Variants in DLGAP1 observed in about 807,000 individuals in gnomAD.
DLGAP1 encodes disks large-associated protein 1.
In DLGAP1, 11 loss-of-function variants were observed where a neutral mutation model predicts 90.8. The ratio of observed to expected loss-of-function variants is 0.12; its 90% CI spans 0.08 to 0.20. The LOEUF (loss-of-function observed/expected upper bound fraction) is 0.20. Among genes scored for constraint, DLGAP1 ranks in the 10% least tolerant of loss-of-function variants. The pLI is 1.00. For missense variants in DLGAP1, 1,050 were observed against 1,333.8 expected (o/e 0.79, Z 3.31); for synonymous variants, 558 against 540.7 (o/e 1.03, Z -0.44).
intron 1 of DLGAP1, among the ~76,000 whole-genome samples, chr18:4,158,202 GCAAAGCAA>G (rs1312977200): frequency 6.6e-6 from 1 of 152,114 alleles, no homozygotes; most frequent in Non-Finnish European, 1.5e-5. Flanking sequence ...GATTGTGCAT[GCAAAGCAA>G]CTATTCTTAT....
At chr18:4,044,228 G>A (rs1356345587) in intron 2 of DLGAP1, among the ~76,000 whole-genome samples, 1 of 152,124 alleles carries the variant, frequency 6.6e-6, no homozygotes, top group Non-Finnish European at 1.5e-5. Flanking sequence ...TCTAATGTCT[G>A]GGTTTTGGGA....
At chr18:3,778,240 A>C (rs935097880) in intron 5 of DLGAP1, among the ~76,000 whole-genome samples, 1 of 152,164 alleles carries the variant, frequency 6.6e-6, no homozygotes, top group African/African-American at 2.4e-5. Context: ...CAGGAGTTCA[A>C]GACCAGCCTG....
chr18:4,248,393 C>G (rs904957111), intron 1 of DLGAP1, among the ~76,000 whole-genome samples: 6 of 152,258 alleles, frequency 3.9e-5, no homozygotes, highest in Non-Finnish European at 8.8e-5. Flanking sequence ...TTTCTCTTAT[C>G]CTGATGTACA....
intron 3 of DLGAP1, among the ~76,000 whole-genome samples, chr18:3,899,345 A>G (rs1307315694): frequency 6.6e-6 from 1 of 152,224 alleles, no homozygotes; most frequent in Non-Finnish European, 1.5e-5. Flanking sequence ...ACAAATAAAC[A>G]AGCAGCCTAT....
At chr18:4,421,591 G>C (rs901105553) in intron 1 of DLGAP1, among the ~76,000 whole-genome samples, 1 of 152,154 alleles carries the variant, frequency 6.6e-6, no homozygotes, top group Non-Finnish European at 1.5e-5. Context: ...TGGAGTTAAA[G>C]AGGATTCATA....
At chr18:4,032,764 G>A (rs2074817507) in intron 2 of DLGAP1, among the ~76,000 whole-genome samples, 1 of 151,070 alleles carries the variant, frequency 6.6e-6, no homozygotes, top group African/African-American at 2.5e-5. Context: ...ATCATATCCT[G>A]TACTATCCAC....
In DLGAP1 at chr18:3,499,747, T is replaced by G. The variant is rs2049832423; in HGVS notation, c.2725-353A>C. Among the ~76,000 whole-genome samples the G allele has an allele frequency of 6.6e-6, 1 of 152,068 alleles. No individual in the cohort carries two copies. Among genetic ancestry groups the G allele is most frequent in the Non-Finnish European group, 1.5e-5 (1 of 68,020 alleles). On this transcript the variant is annotated intron_variant, in intron 12 of 12. Transcript: ENST00000315677. This position sits in a 1 kb window ranked among gnomAD's most constrained non-coding sequence, Gnocchi z 6.4. The stretch of plus-strand genomic sequence containing the variant: ...TCCAGACTCCTCCTGGTGCCAGAGA[T>G]GGGCCAGGAAGCAGCGGCTGCAGCA...
At chr18:3,813,979 C>T (rs2066966560) in intron 5 of DLGAP1, 80 bp downstream of exon 5, 4 of 1,425,442 alleles carry the variant, frequency 2.8e-6, no homozygotes, top group East Asian at 2.3e-5. Context: ...GCCCCACTTA[C>T]TCTAGGAGAC....
chr18:3,541,198 A>G (rs956548175), intron 9 of DLGAP1, among the ~76,000 whole-genome samples: 2 of 152,288 alleles, frequency 1.3e-5, no homozygotes, highest in Middle Eastern at 3.4e-3. Flanking sequence ...CTTTCTGCAC[A>G]CTAAGTTATT....
intron 1 of DLGAP1, among the ~76,000 whole-genome samples, chr18:4,254,162 T>G (rs1262202697): frequency 6.6e-6 from 1 of 152,168 alleles, no homozygotes; most frequent in Non-Finnish European, 1.5e-5. Flanking sequence ...AGAAGGTACC[T>G]TCCTCTTACG....
intron 1 of DLGAP1, among the ~76,000 whole-genome samples, chr18:4,336,290 A>C (rs911725760): frequency 2.0e-5 from 3 of 152,188 alleles, no homozygotes; most frequent in Admixed American, 2.0e-4. Context: ...CCAGAAATCT[A>C]ATGTGGTCCA....
chr18:3,763,410 T>C (rs2064063196), intron 5 of DLGAP1, among the ~76,000 whole-genome samples: 1 of 152,118 alleles, frequency 6.6e-6, no homozygotes, highest in Non-Finnish European at 1.5e-5. Context: ...TGCAGATAGT[T>C]TATTGTGGGA....
chr18:4,126,243 T>G (rs1476841118), intron 2 of DLGAP1, among the ~76,000 whole-genome samples: 1 of 152,220 alleles, frequency 6.6e-6, no homozygotes, highest in Non-Finnish European at 1.5e-5. Context: ...CTCTCTATAT[T>G]ATTAAACACT....
chr18:4,330,216 T>TGCACTAAACCTGAGAATGTAAAA (rs2080916694), intron 1 of DLGAP1, among the ~76,000 whole-genome samples: 5 of 149,676 alleles, frequency 3.3e-5, no homozygotes, highest in African/African-American at 1.3e-4. Context: ...GATACTCATA[T>TGCACTAAACCTGAGAATGTAAAA]AATTTTCTTG....
At chr18:3,668,029 C>G (rs528069896) in intron 7 of DLGAP1, among the ~76,000 whole-genome samples, 4 of 152,310 alleles carry the variant, frequency 2.6e-5, no homozygotes, top group African/African-American at 9.6e-5. Flanking sequence ...CCACAGCACA[C>G]CTAAACAGGC....
Position 4,173,298 on chromosome 18 carries a change from A to G in DLGAP1, c.-266-22011T>C, listed in dbSNP as rs377239438. Among the ~76,000 whole-genome samples, 69 of 152,306 alleles carry G rather than the reference A, an allele frequency of 4.5e-4. 3 individuals are homozygous for G. The highest frequency in any genetic ancestry group is 3.4e-3 in the Middle Eastern group (1 of 294). The stretch of plus-strand genomic sequence containing the variant: ...CCAATCTCAGGCTTTAGCTAGATAT[A>G]TAGACTTTCTTTACTATTCCATGCT... On this transcript the variant is annotated intron_variant, in intron 1 of 12. Coordinates refer to ENST00000315677, the MANE Select transcript of DLGAP1 (RefSeq NM_004746.4).
intron 6 of DLGAP1, among the ~76,000 whole-genome samples, chr18:3,741,062 C>T (rs2062927747): frequency 2.5e-5 from 3 of 117,992 alleles, no homozygotes; most frequent in Admixed American, 8.2e-5. Context: ...CCACCATCAC[C>T]ACCACCACCA....
At chr18:4,049,412 C>T (rs896687405) in intron 2 of DLGAP1, among the ~76,000 whole-genome samples, 1 of 152,070 alleles carries the variant, frequency 6.6e-6, no homozygotes, top group African/African-American at 2.4e-5. Context: ...TCCTCCCATG[C>T]AGCCGAGGCA....
At chr18:3,538,257 C>T (rs1293297087) in intron 9 of DLGAP1, among the ~76,000 whole-genome samples, 3 of 151,900 alleles carry the variant, frequency 2.0e-5, no homozygotes, top group African/African-American at 7.3e-5. Context: ...TGATTCTGGC[C>T]ATCCATTTTA....
Sources: gnomAD v4.1 joint callset for allele counts (sites outside exome capture counted in the v4.1 genomes callset) on GRCh38, gnomAD v4.1.1 for gene constraint, Gnocchi (gnomAD v3.1) non-coding constraint, MANE v1.5 for transcripts, NCBI Gene and HGNC (gene_info 2026-07-23, HGNC 2026-07-21) for gene names.